Variants in KCNH8 observed in about 807,000 individuals in gnomAD.
The protein encoded by KCNH8 is potassium voltage-gated channel subfamily H member 8.
A neutral mutation model predicts 103.6 loss-of-function variants in KCNH8; 70 were observed. The ratio of observed to expected loss-of-function variants is 0.68; its 90% CI spans 0.56 to 0.82. The LOEUF (loss-of-function observed/expected upper bound fraction) is 0.82. Ranked by LOEUF, KCNH8 falls within the 40% of genes least tolerant of loss-of-function variation. The pLI, the probability that KCNH8 is intolerant of heterozygous loss-of-function variation, is 0.00. For synonymous variants in KCNH8, 498 were observed against 489.4 expected (o/e 1.02, Z -0.23); for missense variants, 1,217 against 1,329.9 (o/e 0.92, Z 1.32).
chr3:19,481,015 G>T (rs1440585510), intron 11 of KCNH8, among the ~76,000 whole-genome samples: 2 of 152,216 alleles, frequency 1.3e-5, no homozygotes, highest in South Asian at 2.1e-4. Flanking sequence ...AGGTTATAAA[G>T]CCTTCCTGCT....
chr3:19,287,221 G>A (rs568277049), intron 3 of KCNH8, among the ~76,000 whole-genome samples: 2 of 152,248 alleles, frequency 1.3e-5, no homozygotes, highest in Non-Finnish European at 2.9e-5. Flanking sequence ...AACGTTTGAG[G>A]AACCAGGAGG....
chr3:19,288,261 G>A (rs1278569905), intron 3 of KCNH8, among the ~76,000 whole-genome samples: 1 of 138,680 alleles, frequency 7.2e-6, no homozygotes, highest in East Asian at 2.2e-4. Flanking sequence ...TAACTTTTGG[G>A]GTACATGTGC....
At chr3:19,345,541 G>C (rs904317347) in intron 4 of KCNH8, among the ~76,000 whole-genome samples, 3 of 152,022 alleles carry the variant, frequency 2.0e-5, no homozygotes, top group Non-Finnish European at 4.4e-5. Flanking sequence ...TTAACGTCTA[G>C]ACTAGGCAAA....
intron 1 of KCNH8, among the ~76,000 whole-genome samples, chr3:19,248,963 T>C (rs2064241754): frequency 6.6e-6 from 1 of 152,158 alleles, no homozygotes. Flanking sequence ...TAAGAAAGCA[T>C]TTAGAGAAAT....
rs189456376 is a variant in KCNH8 at position 19,397,308 on chromosome 3, C to T, written c.1177+1997C>T. On this transcript the variant is annotated intron_variant, in intron 7 of 15. Transcript: ENST00000328405. ...GCACTGGGCTGGGGGCAATAGACCT[C>T]TCCTGTCATCATGGTTCCATTGCTA... Among the ~76,000 whole-genome samples, 446 of 151,848 alleles carry T rather than the reference C, an allele frequency of 2.9e-3. 5 individuals are homozygous for T. Among genetic ancestry groups the T allele is most frequent in the African/African-American group, 1.0e-2 (414 of 41,462 alleles).
intron 11 of KCNH8, among the ~76,000 whole-genome samples, chr3:19,467,106 G>A (rs1309381363): frequency 6.6e-6 from 1 of 152,094 alleles, no homozygotes; most frequent in East Asian, 1.9e-4. Context: ...ACTTTACTGA[G>A]ATAGTAACTT....
chr3:19,339,448 A>G (rs1265361814), intron 3 of KCNH8, among the ~76,000 whole-genome samples: 1 of 152,120 alleles, frequency 6.6e-6, no homozygotes, highest in Non-Finnish European at 1.5e-5. Context: ...TATATTTAAA[A>G]TTACTCCTTG....
At chr3:19,237,047 A>G (rs1227145908) in intron 1 of KCNH8, among the ~76,000 whole-genome samples, 2 of 152,252 alleles carry the variant, frequency 1.3e-5, no homozygotes, top group Admixed American at 1.3e-4. Flanking sequence ...TCTTATGGCC[A>G]AATTAAATGG....
chr3:19,191,830 T>C (rs2063555939), intron 1 of KCNH8, among the ~76,000 whole-genome samples: 1 of 151,818 alleles, frequency 6.6e-6, no homozygotes, highest in Non-Finnish European at 1.5e-5. Context: ...ATTATGCTGT[T>C]TATGATTTCT....
chr3:19,405,744 T>C (rs1329514166), intron 7 of KCNH8, among the ~76,000 whole-genome samples: 4 of 151,946 alleles, frequency 2.6e-5, no homozygotes, highest in African/African-American at 9.7e-5. Flanking sequence ...AGCCCTGCCA[T>C]TAATTAGCCG....
rs149526340 is a variant in KCNH8, at chr3:19,533,484, G to T, written c.2709G>T (p.Gln903His). The change falls in exon 16 of 16, where the codon CAG (glutamine) becomes CAT (histidine). Residue 903 changes from glutamine to histidine, a missense_variant. Gln to His is a conservative substitution (Grantham distance 24, BLOSUM62 0). Around this residue, in one of 3 missense-constraint regions of KCNH8, gnomAD observed 558 missense variants for 495.8 expected, o/e 1.13. Transcript: ENST00000328405. ...QLLENVLSPQQPSRFCSLHST... is the reference protein window; with the variant it reads ...QLLENVLSPQHPSRFCSLHST... ...TGGAAAACGTTCTGTCACCTCAGCA[G>T]CCATCACGGTTTTGCTCTTTGCACA... is the stretch of plus-strand genomic sequence containing the variant. The T allele has an allele frequency of 9.9e-6, 16 of 1,614,044 alleles. No homozygotes were observed. The highest frequency in any genetic ancestry group is 1.1e-5 in the Non-Finnish European group (13 of 1,180,024).
At chr3:19,326,425 T>C (rs1446797700) in intron 3 of KCNH8, among the ~76,000 whole-genome samples, 1 of 150,120 alleles carries the variant, frequency 6.7e-6, no homozygotes, top group Non-Finnish European at 1.5e-5. Flanking sequence ...GGTGTTGATA[T>C]TAACTAGACA....
intron 15 of KCNH8, 57 bp from the exon 16 acceptor site, chr3:19,533,338 T>C: frequency 9.9e-7 from 1 of 1,009,376 alleles, no homozygotes; most frequent in Non-Finnish European, 1.6e-6. Context: ...TTCTCTGAAA[T>C]GTGGTCACTA....
chr3:19,252,129 A>G (rs892655101), intron 1 of KCNH8, among the ~76,000 whole-genome samples: 1 of 152,126 alleles, frequency 6.6e-6, no homozygotes, highest in African/African-American at 2.4e-5. Flanking sequence ...TCACCCACCA[A>G]CACATTTTTT....
At chr3:19,344,376 A>T (rs2065701920) in intron 4 of KCNH8, among the ~76,000 whole-genome samples, 1 of 152,104 alleles carries the variant, frequency 6.6e-6, no homozygotes. Flanking sequence ...TTCCCTTTAG[A>T]TTCAACAAAG....
At position 19,354,309 on chromosome 3, in the gene KCNH8, G is replaced by C. The variant is rs552308373; in HGVS notation, c.811+6344G>C. 4.7e-3 allele frequency among the ~76,000 whole-genome samples: 708 copies of C among 152,190 alleles called. 6 individuals are homozygous for C. Among genetic ancestry groups the C allele is most frequent in the African/African-American group, 0.016 (656 of 41,518 alleles). On this transcript the variant is annotated intron_variant, in intron 5 of 15. Transcript: ENST00000328405. ...TCGTGAAAATGGCCATACTGCCCAA[G>C]GTAATTTATAGACTCAATGCTATCC...
At chr3:19,215,703 C>T (rs2063811638) in intron 1 of KCNH8, among the ~76,000 whole-genome samples, 1 of 152,230 alleles carries the variant, frequency 6.6e-6, no homozygotes, top group East Asian at 1.9e-4. Flanking sequence ...TGACAGCCCA[C>T]AACTTTTTCT....
chr3:19,263,347 A>G (rs2064461652), intron 2 of KCNH8, among the ~76,000 whole-genome samples: 1 of 152,116 alleles, frequency 6.6e-6, no homozygotes, highest in Non-Finnish European at 1.5e-5. Flanking sequence ...AGGAACTAGC[A>G]ACTTAAAATA....
At chr3:19,428,618 CA>C (rs1441944742) in intron 7 of KCNH8, among the ~76,000 whole-genome samples, 4 of 152,224 alleles carry the variant, frequency 2.6e-5, no homozygotes, top group African/African-American at 9.7e-5. Context: ...TTACGTGAAT[CA>C]TGTCACTTAA....
Sources: gnomAD v4.1 joint callset for allele counts (sites outside exome capture counted in the v4.1 genomes callset) on GRCh38, gnomAD v4.1.1 for gene constraint, gnomAD v4.1.1 regional missense constraint, MANE v1.5 for transcripts, NCBI Gene and HGNC (gene_info 2026-07-23, HGNC 2026-07-21) for gene names.